ENSA: variants seen among roughly 807,000 people sequenced by gnomAD.
The protein encoded by ENSA is endosulfine alpha.
ENSA carries 7 observed loss-of-function variants against 16.8 expected under a neutral mutation model. The observed-to-expected ratio is 0.42, with a 90% CI of 0.24 to 0.78. ENSA has a LOEUF of 0.78. Among genes scored for constraint, ENSA ranks in the 30% least tolerant of loss-of-function variants. The pLI is 0.29. For missense variants in ENSA, 87 were observed against 142.3 expected (o/e 0.61, Z 1.98); for synonymous variants, 58 against 53.4 (o/e 1.09, Z -0.37).
chr1:150,624,548 A>G (rs1649172345), intron 3 of ENSA: 2 of 985,900 alleles, frequency 2.0e-6, no homozygotes, highest in Non-Finnish European at 2.4e-6. Context: ...GGTCAGAGGC[A>G]AGAAGCTTCC....
At chr1:150,626,642 C>A (rs1328170127) in intron 2 of ENSA, 2 of 701,314 alleles carry the variant, frequency 2.9e-6, no homozygotes, top group Non-Finnish European at 4.7e-6. Context: ...CTGCAAGCTC[C>A]GCCTCCCGGG....
chr1:150,622,588 C>G lies in ENSA; in HGVS notation c.*256G>C, dbSNP rs2101732568. On this transcript the variant is annotated 3_prime_UTR_variant, in exon 4 of 4. Transcript: ENST00000369014. ...ACCCTTTCAACCCCACCCCCACCCC[C>G]AGAATTTCATTGATATTTCTCCCAA... The G allele has an allele frequency of 5.7e-6, 1 of 175,132 alleles. No homozygotes were observed. Among genetic ancestry groups the G allele is most frequent in the African/African-American group, 2.4e-5 (1 of 41,494 alleles). The allele number at this position is 175,132 out of a possible 1,614,324, so 10.8% of individuals were successfully genotyped here. A position where few individuals can be genotyped will look rare whatever the true frequency, so the allele number is the denominator to read the frequency against.
At chr1:150,623,239 G>A in intron 3 of ENSA, 2 of 1,040,500 alleles carry the variant, frequency 1.9e-6, no homozygotes, top group Non-Finnish European at 2.3e-6. Flanking sequence ...ACAGAGATGA[G>A]GTGGTGACTG....
At chr1:150,624,034 T>A in intron 3 of ENSA, 2 of 985,416 alleles carry the variant, frequency 2.0e-6, no homozygotes, top group Non-Finnish European at 2.4e-6. Flanking sequence ...GCAAGAGGAT[T>A]ACAGAATCTT....
chr1:150,626,787 G>A (rs947439977), intron 2 of ENSA, among the ~76,000 whole-genome samples: 4 of 152,012 alleles, frequency 2.6e-5, no homozygotes, highest in Admixed American at 6.6e-5. Flanking sequence ...CTCGTGCTCC[G>A]CCCGCCTCGG....
chr1:150,627,832 C>T (rs993455416), intron 1 of ENSA, among the ~76,000 whole-genome samples: 1 of 152,278 alleles, frequency 6.6e-6, no homozygotes, highest in Non-Finnish European at 1.5e-5. Flanking sequence ...GGGACCTGTG[C>T]GTATTGGGCT....
chr1:150,625,725 C>T lies in ENSA; in HGVS notation c.267G>A (p.Lys89=). 6.2e-7 allele frequency: 1 copy of T among 1,613,044 alleles called. No individual in the cohort carries two copies. The change falls in exon 3 of 4, where the codon AAG becomes AAA. Residue 89 remains lysine, a synonymous_variant. Transcript: ENST00000369014. ...NKQLPSAGPD[K]NLVTGDHIPT... ...GGATGTGATCACCAGTCACCAGGTT[C>T]TTGTCTGGTCCTGCACTTGGCAGCT... is the stretch of plus-strand genomic sequence containing the variant.
At position 150,627,516 on chromosome 1, in the gene ENSA, C is replaced by T; in HGVS notation, c.134G>A (p.Gly45Glu). 5.0e-6 allele frequency: 8 copies of T among 1,614,190 alleles called. No individual in the cohort carries two copies. Among genetic ancestry groups the T allele is most frequent in the Non-Finnish European group, 6.8e-6 (8 of 1,180,032 alleles). Residue 45 changes from glycine to glutamate, a missense_variant, in exon 2 of 4, where the codon GGA becomes GAA. Physicochemically the swap from Gly to Glu is moderately conservative, Grantham distance 98. Transcript: ENST00000369014. ...GAAGTCGGAGCCTCCAGGCTTTTGT[C>T]CTAGGCTTGGGTATTTGGCCTTTAG... ...AKLKAKYPSL[G>E]QKPGGSDFLM... is the part of the protein sequence containing the mutation.
intron 1 of ENSA, chr1:150,629,211 A>T: frequency 6.3e-7 from 1 of 1,587,810 alleles, no homozygotes; most frequent in Non-Finnish European, 8.6e-7. Flanking sequence ...GCCAATCAGG[A>T]AGAGTACAGT....
chr1:150,629,018 G>A (rs1163780685), intron 1 of ENSA: 2 of 1,603,754 alleles, frequency 1.2e-6, no homozygotes, highest in Non-Finnish European at 1.7e-6. Context: ...CTATCTTTGC[G>A]GATTGAGGCT....
rs1234640363 is a variant in ENSA, at chr1:150,622,832, C to A, written c.*12G>T. 1 of 1,559,746 alleles carries A rather than the reference C, an allele frequency of 6.4e-7. No homozygotes were observed. Among genetic ancestry groups the A allele is most frequent in the Non-Finnish European group, 8.7e-7 (1 of 1,151,876 alleles). On this transcript the variant is annotated 3_prime_UTR_variant, in exon 4 of 4. Transcript: ENST00000369014. ...GGAAGCGTCTCAGGATCTGGCAGAG[C>A]CCCGGGCAGCATCATTCAACTTGGC...
At chr1:150,626,558 TA>T in intron 2 of ENSA, 4 of 1,601,250 alleles carry the variant, frequency 2.5e-6, no homozygotes, top group South Asian at 1.1e-5. Context: ...GTAAGGAAAA[TA>T]AAAAAATTTT....
chr1:150,627,666 A>AC, intron 1 of ENSA, 74 bp from the exon 2 acceptor site: 1 of 1,469,580 alleles, frequency 6.8e-7, no homozygotes, highest in Non-Finnish European at 9.2e-7. Context: ...TAACAACTAT[A>AC]CTATCAACTT....
intron 3 of ENSA, chr1:150,625,046 T>C: frequency 1.0e-6 from 1 of 985,398 alleles, no homozygotes; most frequent in Non-Finnish European, 1.2e-6. Context: ...TCAATCTTTA[T>C]ATTATTTGAG....
In ENSA at chr1:150,629,247, C is replaced by G. The variant is rs1649570251; in HGVS notation, c.57+167G>C. The G allele has an allele frequency of 2.0e-6, 3 of 1,522,034 alleles. No individual in the cohort carries two copies. The African/African-American group carries it at 4.1e-5, about 21-fold the overall frequency. 94.3% of individuals were successfully genotyped at this position (1,522,034 alleles called of 1,614,324 possible). A position where few individuals can be genotyped will look rare whatever the true frequency, so the allele number is the denominator to read the frequency against. On this transcript the variant is annotated intron_variant, in intron 1 of 3. Transcript: ENST00000369014. The stretch of plus-strand genomic sequence containing the variant: ...ACTGAGTGACAAACGACCCAACTAA[C>G]CAGCGCCAAAGCAGCATGTCGTGTT...
In ENSA at chr1:150,629,429, G is replaced by A. The variant is rs1339545068; in HGVS notation, c.42C>T (p.Thr14=). The A allele has an allele frequency of 4.3e-6, 7 of 1,613,794 alleles. No individual in the cohort carries two copies. Among genetic ancestry groups the A allele is most frequent in the South Asian group, 2.2e-5 (2 of 91,054 alleles). ...KQEEENPAEE[T]GEEKQDTQEK... is the part of the protein sequence containing the mutation. ...TCCACTTCACCTGCTTCTCCTCGCC[G>A]GTCTCCTCCGCAGGGTTCTCTTCTT... is the stretch of plus-strand genomic sequence containing the variant. Residue 14 remains threonine (T), a synonymous_variant, in exon 1 of 4, where the codon ACC becomes ACT. Transcript: ENST00000369014.
At chr1:150,624,145 T>G (rs1384466337) in intron 3 of ENSA, 2 of 985,334 alleles carry the variant, frequency 2.0e-6, no homozygotes, top group African/African-American at 3.5e-5. Flanking sequence ...AGATTGAAGA[T>G]GCTGGTCACC....
chr1:150,624,578 T>C (rs141928183), intron 3 of ENSA: 19 of 957,550 alleles, frequency 2.0e-5, no homozygotes, highest in Admixed American at 1.2e-4. Flanking sequence ...TTCCTAAGTA[T>C]TTTTTTTTGA....
At chr1:150,626,565 A>AT (rs748798358) in intron 2 of ENSA, 177 of 1,573,706 alleles carry the variant, frequency 1.1e-4, no homozygotes, top group East Asian at 1.6e-4. Context: ...AAATAAAAAA[A>AT]TTTTTTTTTG....
Sources: gnomAD v4.1 joint callset for allele counts (sites outside exome capture counted in the v4.1 genomes callset) on GRCh38, gnomAD v4.1.1 for gene constraint, MANE v1.5 for transcripts, NCBI Gene and HGNC (gene_info 2026-07-23, HGNC 2026-07-21) for gene names.